RFXANK: variants seen among roughly 807,000 people sequenced by gnomAD.
The protein encoded by RFXANK is DNA-binding protein RFXANK.
Under a neutral mutation model 34.5 loss-of-function variants are expected in RFXANK, and 19 were observed. The ratio of observed to expected loss-of-function variants is 0.55; its 90% CI spans 0.38 to 0.81. RFXANK has a LOEUF of 0.81. RFXANK is among the 30% of genes least tolerant of loss of function. The pLI, the probability that RFXANK is intolerant of heterozygous loss-of-function variation, is 0.00. For missense variants in RFXANK, 295 were observed against 343.5 expected (o/e 0.86, Z 1.12); for synonymous variants, 154 against 149.8 (o/e 1.03, Z -0.20).
At chr19:19,193,918 C>T (rs1167376007) in intron 2 of RFXANK, 21 bp from the exon 3 acceptor site, 4 of 1,613,030 alleles carry the variant, frequency 2.5e-6, no homozygotes, top group Non-Finnish European at 2.5e-6. Flanking sequence ...GTCATCTCTC[C>T]CCTTCTGACA....
intron 9 of RFXANK, among the ~76,000 whole-genome samples, chr19:19,200,278 A>G (rs764805998): frequency 6.0e-5 from 9 of 150,546 alleles, no homozygotes; most frequent in Non-Finnish European, 1.3e-4. Context: ...CCCAGGTTCA[A>G]GCGATTCTCC....
intron 2 of RFXANK, 123 bp from the exon 3 acceptor site, chr19:19,193,816 G>A (rs1443763417): frequency 1.8e-6 from 2 of 1,083,160 alleles, no homozygotes; most frequent in Admixed American, 3.4e-5. Context: ...CCTGGCTCTG[G>A]TAATTAACCT....
rs1157183741 is a variant in RFXANK at position 19,193,982 on chromosome 19, G to C, written c.36G>C (p.Gln12His). 2.5e-6 allele frequency: 4 copies of C among 1,614,198 alleles called. No homozygotes were observed. The highest frequency in any genetic ancestry group is 3.4e-6 in the Non-Finnish European group (4 of 1,180,030). Residue 12 changes from glutamine (Q) to histidine (H), a missense_variant, in exon 3 of 10, where the codon CAG (glutamine) becomes CAC (histidine). By Grantham distance (24) the Gln-to-His change is conservative. Transcript: ENST00000303088. ...CCCAGCCTGCAGAAGACCTCATCCA[G>C]ACCCAGCAGACCCCTGCCTCAGAAC... ...ELTQPAEDLI[Q>H]TQQTPASELG...
chr19:19,200,208 C>T (rs1245797939), intron 9 of RFXANK, among the ~76,000 whole-genome samples: 5 of 139,106 alleles, frequency 3.6e-5, no homozygotes, highest in East Asian at 2.1e-4. Flanking sequence ...CATGGAGTCT[C>T]GCGCTGTCAC....
intron 3 of RFXANK, 91 bp downstream of exon 3, chr19:19,194,224 T>G: frequency 7.5e-7 from 1 of 1,330,350 alleles, no homozygotes; most frequent in Non-Finnish European, 1.1e-6. Flanking sequence ...CTTTCGTTTT[T>G]GTTTTGTTTT....
At chr19:19,197,113 C>A in intron 4 of RFXANK, 67 bp downstream of exon 4, 2 of 1,611,004 alleles carry the variant, frequency 1.2e-6, no homozygotes, top group South Asian at 1.1e-5. Context: ...GAGGAGCAAT[C>A]GTGGACAGAG....
chr19:19,193,992 A>T lies in RFXANK; in HGVS notation c.46A>T (p.Thr16Ser), dbSNP rs1312378543. 1 of 1,614,112 alleles carries T rather than the reference A, an allele frequency of 6.2e-7. No homozygotes were observed. The highest frequency in any genetic ancestry group is 1.1e-5 in the South Asian group (1 of 91,082). The change falls in exon 3 of 10, where the codon ACC (threonine) becomes TCC (serine). Residue 16 changes from threonine (T) to serine (S), a missense_variant. Coordinates refer to ENST00000303088, the MANE Select transcript of RFXANK (RefSeq NM_003721.4). ...PAEDLIQTQQ[T>S]PASELGDPED... Reference sequence around the variant, plus strand: ...AGAAGACCTCATCCAGACCCAGCAGACCCCTGCCTCAGAACTTGGGGACCC... The same window carrying T: ...AGAAGACCTCATCCAGACCCAGCAGTCCCCTGCCTCAGAACTTGGGGACCC...
rs1568578546 is a variant in RFXANK at position 19,196,972 on chromosome 19, C to A, written c.197C>A (p.Ser66Tyr). 1 of 1,612,326 alleles carries A rather than the reference C, an allele frequency of 6.2e-7. No individual in the cohort carries two copies. The highest frequency in any genetic ancestry group is 8.5e-7 in the Non-Finnish European group (1 of 1,179,940). The stretch of plus-strand genomic sequence containing the variant: ...GTTGTCTGTTTCCCAGCAGGCAGCT[C>A]CCTGAAGCACTCCACCACTCTCACC... ...ASVSSPQAGS[S>Y]LKHSTTLTNR... The change falls in exon 4 of 10, where the codon TCC (serine) becomes TAC (tyrosine). Residue 66 changes from serine (S) to tyrosine (Y), a missense_variant. By Grantham distance (144) the Ser-to-Tyr change is moderately radical. Transcript: ENST00000303088.
rs758837967 is a variant in RFXANK at position 19,199,141 on chromosome 19, C to A, written c.632-13C>A. The stretch of plus-strand genomic sequence containing the variant: ...AGGCCCCACCCTCCAGCGCCCTCCC[C>A]TCTCCTTTGCAGCCCGAGGCGCTGA... On this transcript the variant is annotated splice_polypyrimidine_tract_variant and intron_variant, in intron 8 of 9. Transcript: ENST00000303088. The A allele has an allele frequency of 6.2e-7, 1 of 1,613,326 alleles. No individual in the cohort carries two copies. The highest frequency in any genetic ancestry group is 1.3e-5 in the African/African-American group (1 of 75,034).
At chr19:19,193,916 TC>T (rs2060547113) in intron 2 of RFXANK, 22 bp from the exon 3 acceptor site, 2 of 1,612,216 alleles carry the variant, frequency 1.2e-6, no homozygotes, top group Admixed American at 1.7e-5. Context: ...TTGTCATCTC[TC>T]CCCTTCTGAC....
chr19:19,198,253 A>C lies in RFXANK; in HGVS notation c.564+21A>C, dbSNP rs373856899. 3.1e-6 allele frequency: 5 copies of C among 1,613,854 alleles called. No individual in the cohort carries two copies. In the African/African-American group the frequency reaches 6.7e-5, roughly 22 times the overall value. ...ATTGGGTGAGGGACTGCCCATCCCC[A>C]GGACCTCTCAGCCTCCTGGCCTTCA... On this transcript the variant is annotated intron_variant, in intron 7 of 9. Coordinates refer to ENST00000303088, the MANE Select transcript of RFXANK (RefSeq NM_003721.4).
chr19:19,197,990 C>T, intron 6 of RFXANK, 117 bp from the exon 7 acceptor site: 1 of 1,401,486 alleles, frequency 7.1e-7, no homozygotes, highest in Admixed American at 1.7e-5. Context: ...CCAGCCTGGG[C>T]AACAGAGCAA....
intron 9 of RFXANK, among the ~76,000 whole-genome samples, chr19:19,200,271 A>G (rs1387516721): frequency 1.4e-5 from 2 of 142,534 alleles, no homozygotes; most frequent in African/African-American, 2.7e-5. Flanking sequence ...TCCACCTCCC[A>G]GGTTCAAGCG....
At chr19:19,192,613 A>G (rs1325290178) in intron 1 of RFXANK, 59 bp downstream of exon 1, 1 of 158,420 alleles carries the variant, frequency 6.3e-6, no homozygotes, top group Non-Finnish European at 1.4e-5. Flanking sequence ...CTTCTTCTTG[A>G]GATAGCCCCG....
intron 7 of RFXANK, 111 bp downstream of exon 7, chr19:19,198,343 G>A (rs892892581): frequency 4.0e-6 from 6 of 1,489,298 alleles, no homozygotes; most frequent in Admixed American, 1.9e-5. Context: ...CCGAGAACAC[G>A]AGACAGCCCC....
At position 19,197,522 on chromosome 19, in the gene RFXANK, T is replaced by C. The variant is rs374843362; in HGVS notation, c.339T>C (p.Gly113=). Reference sequence around the variant, plus strand: ...GTATTGCCCGCCTCCTCCTGCCAGGTGACAACCTCGTCAACAAGCCAGACG... The same window carrying C: ...GTATTGCCCGCCTCCTCCTGCCAGGCGACAACCTCGTCAACAAGCCAGACG... ...LDQLKEHLRK[G]DNLVNKPDER... is the part of the protein sequence containing the mutation. Residue 113 remains glycine (G), a splice_region_variant and synonymous_variant, in exon 6 of 10, where the codon GGT becomes GGC. Transcript: ENST00000303088. 2.5e-6 allele frequency: 4 copies of C among 1,613,524 alleles called. No homozygotes were observed. The Admixed American group carries it at 5.0e-5, about 20-fold the overall frequency.
At chr19:19,197,659 G>T (rs759862267) in intron 6 of RFXANK, 38 bp downstream of exon 6, 1 of 1,576,216 alleles carries the variant, frequency 6.3e-7, no homozygotes, top group South Asian at 1.1e-5. Flanking sequence ...GGGGGTTCCC[G>T]GGGGCCTTAG....
At chr19:19,196,813 C>T (rs951580785) in intron 3 of RFXANK, 150 bp from the exon 4 acceptor site, 17 of 760,666 alleles carry the variant, frequency 2.2e-5, no homozygotes, top group African/African-American at 1.9e-4. Context: ...TGCAGTGAGC[C>T]GAGATCACGC....
At chr19:19,197,718 G>A (rs1878731149) in intron 6 of RFXANK, 97 bp downstream of exon 6, 1 of 1,113,628 alleles carries the variant, frequency 9.0e-7, no homozygotes, top group Non-Finnish European at 1.3e-6. Flanking sequence ...TCTTTGAGAT[G>A]CGGCTGCTGG....
Sources: allele counts gnomAD v4.1 joint callset (sites outside exome capture counted in the v4.1 genomes callset), GRCh38; gene constraint gnomAD v4.1.1; transcripts MANE v1.5; gene names NCBI Gene and HGNC (gene_info 2026-07-23, HGNC 2026-07-21).